BRCA1: variants seen among roughly 807,000 people sequenced by gnomAD.
BRCA1 encodes breast cancer type 1 susceptibility protein.
BRCA1 carries 140 observed loss-of-function variants against 173.7 expected under a neutral mutation model. The observed-to-expected ratio is 0.81, with a 90% CI of 0.70 to 0.93. The LOEUF (loss-of-function observed/expected upper bound fraction) is 0.93, where lower values mean the gene tolerates loss of function less well. Among genes scored for constraint, BRCA1 ranks in the 40% least tolerant of loss-of-function variants. The pLI, the probability that BRCA1 is intolerant of heterozygous loss-of-function variation, is 0.00. For missense variants in BRCA1, 1,983 were observed against 2,172.5 expected (o/e 0.91, Z 1.73); for synonymous variants, 662 against 756.0 (o/e 0.88, Z 2.04).
Position 43,125,324 on chromosome 17 carries a change from G to A in BRCA1, c.-73C>T, listed in dbSNP as rs1341356647. The A allele has an allele frequency of 4.4e-6, 2 of 455,576 alleles. No individual in the cohort carries two copies. The highest frequency in any genetic ancestry group is 2.0e-5 in the African/African-American group (1 of 50,070). 28.2% of individuals were successfully genotyped at this position (455,576 alleles called of 1,614,324 possible). A position where few individuals can be genotyped will look rare whatever the true frequency, so the allele number is the denominator to read the frequency against. The stretch of plus-strand genomic sequence containing the variant: ...CCTGAGCGCAGGGGCCCAGTTATCT[G>A]AGAAACCCCACAGCCTGTCCCCCGT... On this transcript the variant is annotated 5_prime_UTR_variant, in exon 1 of 23. Transcript: ENST00000357654.
intron 1 of BRCA1, among the ~76,000 whole-genome samples, chr17:43,156,067 C>G (rs1322286787): frequency 6.6e-6 from 1 of 151,930 alleles, no homozygotes; most frequent in Non-Finnish European, 1.5e-5. Flanking sequence ...GGAAACCCCG[C>G]CTCTGCTAAA....
chr17:43,057,823 G>A (rs1169987555), intron 18 of BRCA1, among the ~76,000 whole-genome samples: 2 of 151,240 alleles, frequency 1.3e-5, no homozygotes, highest in Non-Finnish European at 2.9e-5. Flanking sequence ...GCAACTGAGC[G>A]AGACTCCGTC....
upstream of BRCA1, among the ~76,000 whole-genome samples, chr17:43,130,018 ATTATC>A (rs1217959646): frequency 1.3e-5 from 2 of 152,084 alleles, no homozygotes; most frequent in Admixed American, 6.6e-5. Context: ...CTGGGGGATA[ATTATC>A]TTAGGGTTTC....
At chr17:43,117,536 C>T (rs1242448457) in intron 2 of BRCA1, among the ~76,000 whole-genome samples, 5 of 152,064 alleles carry the variant, frequency 3.3e-5, no homozygotes, top group Non-Finnish European at 7.4e-5. Flanking sequence ...GTCAGGATTT[C>T]GAGACCAGCC....
At chr17:43,159,947 G>A (rs900168102) in intron 1 of BRCA1, 1 of 152,262 alleles carries the variant, frequency 6.6e-6, no homozygotes, top group African/African-American at 2.4e-5. Context: ...TAAAGGCTTT[G>A]ATGATTTGCA....
At chr17:43,148,401 C>G (rs1406938004) in intron 1 of BRCA1, 2 of 152,546 alleles carry the variant, frequency 1.3e-5, no homozygotes, top group East Asian at 3.9e-4. Flanking sequence ...CACCTGGAGT[C>G]AGCAAAAGGA....
At chr17:43,053,028 C>G (rs530928177) in intron 19 of BRCA1, among the ~76,000 whole-genome samples, 45 of 152,064 alleles carry the variant, frequency 3.0e-4, no homozygotes, top group Non-Finnish European at 6.0e-4. Flanking sequence ...AGGTGCACAC[C>G]ACCACACCCG....
chr17:43,111,637 C>T lies in BRCA1; in HGVS notation c.134+4089G>A, dbSNP rs527251997. 9.2e-5 allele frequency among the ~76,000 whole-genome samples: 14 copies of T among 151,948 alleles called. No individual in the cohort carries two copies. The East Asian group carries it at 2.3e-3, about 25-fold the overall frequency. ...GAGATCGAGACCATCCTGGCTAACA[C>T]GGTGAAACCCTTTCTCTACTAAAAA... is the stretch of plus-strand genomic sequence containing the variant. On this transcript the variant is annotated intron_variant, in intron 3 of 22. Transcript: ENST00000357654.
intron 3 of BRCA1, among the ~76,000 whole-genome samples, chr17:43,113,711 C>T (rs2055140870): frequency 6.6e-6 from 1 of 152,080 alleles, no homozygotes; most frequent in African/African-American, 2.4e-5. Context: ...ATTATCTCTG[C>T]CTATAAGCCT....
Position 43,091,032 on chromosome 17 carries a change from C to T in BRCA1, c.4097G>A (p.Gly1366Asp), listed in dbSNP as rs876660948. The change falls in exon 11 of 23, where the codon GGT (glycine) becomes GAT (aspartate). Residue 1366 changes from glycine (G) to aspartate (D), a missense_variant and splice_region_variant. Physicochemically the swap from Gly to Asp is moderately conservative, Grantham distance 94. Coordinates refer to ENST00000357654, the MANE Select transcript of BRCA1 (RefSeq NM_007294.4). ...ACTCTCACACCCAGATGCTGCTTCA[C>T]CTTAAATAACAAAAACAGAGGTTCA... ...QEEQSMDSNLGEAASGCESET... is the reference protein window; with the variant it reads ...QEEQSMDSNLDEAASGCESET... 3 of 1,611,140 alleles carry T rather than the reference C, an allele frequency of 1.9e-6. No individual in the cohort carries two copies. Among genetic ancestry groups the T allele is most frequent in the Non-Finnish European group, 1.7e-6 (2 of 1,178,682 alleles).
At chr17:43,084,941 T>C (rs1485013342) in intron 11 of BRCA1, among the ~76,000 whole-genome samples, 1 of 152,198 alleles carries the variant, frequency 6.6e-6, no homozygotes, top group Non-Finnish European at 1.5e-5. Context: ...GAAAAAGTAG[T>C]GGGGTAATTA....
intron 1 of BRCA1, among the ~76,000 whole-genome samples, chr17:43,146,523 T>C (rs2056123070): frequency 1.3e-5 from 2 of 151,900 alleles, no homozygotes; most frequent in South Asian, 4.1e-4. Context: ...TTAGCCAGGA[T>C]GGTCTCGATC....
intron 4 of BRCA1, among the ~76,000 whole-genome samples, chr17:43,105,953 C>G (rs1029253257): frequency 6.6e-6 from 1 of 151,682 alleles, no homozygotes; most frequent in Non-Finnish European, 1.5e-5. Context: ...ATGGTAAAAC[C>G]TCATCTCTAC....
At chr17:43,109,766 C>G (rs948265846) in intron 3 of BRCA1, among the ~76,000 whole-genome samples, 1 of 152,064 alleles carries the variant, frequency 6.6e-6, no homozygotes, top group East Asian at 1.9e-4. Context: ...AGGAAATTCC[C>G]TTATGATAGT....
At chr17:43,152,064 T>C (rs369904268) in intron 1 of BRCA1, among the ~76,000 whole-genome samples, 18 of 152,354 alleles carry the variant, frequency 1.2e-4, no homozygotes, top group African/African-American at 4.3e-4. Context: ...TTAGAGGTTA[T>C]GTAACTTTCC....
At chr17:43,087,235 A>T (rs561876983) in intron 11 of BRCA1, among the ~76,000 whole-genome samples, 18 of 152,350 alleles carry the variant, frequency 1.2e-4, no homozygotes, top group Non-Finnish European at 1.9e-4. Context: ...GGATGCCACT[A>T]TAGTGATGTA....
intron 1 of BRCA1, among the ~76,000 whole-genome samples, chr17:43,135,301 G>A (rs1353233548): frequency 6.7e-6 from 1 of 150,076 alleles, no homozygotes. Flanking sequence ...CGCAGCGGCC[G>A]GCCCAGCGTT....
At chr17:43,106,035 G>T (rs907602110) in intron 4 of BRCA1, among the ~76,000 whole-genome samples, 1 of 151,126 alleles carries the variant, frequency 6.6e-6, no homozygotes, top group Non-Finnish European at 1.5e-5. Context: ...GCTAAGGCAG[G>T]AAGAGGCTGG....
At chr17:43,096,768 A>G (rs193017953) in intron 8 of BRCA1, among the ~76,000 whole-genome samples, 1 of 152,222 alleles carries the variant, frequency 6.6e-6, no homozygotes, top group Non-Finnish European at 1.5e-5. Flanking sequence ...TGCTGTGTCA[A>G]TATTACTGTA....
Sources: allele counts gnomAD v4.1 joint callset (sites outside exome capture counted in the v4.1 genomes callset), GRCh38; gene constraint gnomAD v4.1.1; transcripts MANE v1.5; gene names NCBI Gene and HGNC (gene_info 2026-07-23, HGNC 2026-07-21).